Variants in PLCH1 observed in about 807,000 individuals in gnomAD.
PLCH1 encodes 1-phosphatidylinositol 4,5-bisphosphate phosphodiesterase eta-1.
Under a neutral mutation model 126.7 loss-of-function variants are expected in PLCH1, and 60 were observed. That is an observed-to-expected ratio of 0.47 (90% CI 0.38 to 0.59). The LOEUF (loss-of-function observed/expected upper bound fraction) is 0.59, where lower values mean the gene tolerates loss of function less well. PLCH1 is among the 20% of genes least tolerant of loss of function. The pLI is 0.00. For missense variants in PLCH1, 1,723 were observed against 2,040.0 expected, an observed-to-expected ratio of 0.84 and a Z score of 2.99; for synonymous variants, 719 against 734.9, an observed-to-expected ratio of 0.98 and a Z score of 0.35.
rs556894987 is a variant in PLCH1 at position 155,731,940 on chromosome 3, G to A, written c.-41+12900C>T. Among the ~76,000 whole-genome samples the A allele has an allele frequency of 1.6e-4, 23 of 140,844 alleles. No homozygotes were observed. The Middle Eastern group carries it at 0.012, about 71-fold the overall frequency. The allele number at this position is 140,844 out of a possible 152,430, so 92.4% of individuals were successfully genotyped here. On this transcript the variant is annotated intron_variant, in intron 1 of 22. Coordinates refer to ENST00000460012, the MANE Select transcript of PLCH1 (RefSeq NM_014996.4). ...TAAGGCTGCAATGAGCCAAGATTGT[G>A]CCACTGCACTCTATCCAGCCTGGGT... is the stretch of plus-strand genomic sequence containing the variant.
chr3:155,485,357 T>C lies in PLCH1; in HGVS notation c.2973A>G (p.Leu991=). The C allele has an allele frequency of 6.3e-7, 1 of 1,592,774 alleles. No individual in the cohort carries two copies. The change falls in exon 22 of 23, where the codon CTA becomes CTG. Residue 991 remains leucine, a splice_region_variant and synonymous_variant. Coordinates refer to ENST00000460012, the MANE Select transcript of PLCH1 (RefSeq NM_014996.4). ...TCAGAGAAACTTAAAGCATCTTACC[T>C]AGAGAGTTTTCTTTTCCTTCAATGT... ...AKDIEGKENS[L]AEDKDGRRKG...
chr3:155,524,055 G>A (rs1721573496), intron 10 of PLCH1, 51 bp from the exon 11 acceptor site: 1 of 1,092,012 alleles, frequency 9.2e-7, no homozygotes, highest in Admixed American at 1.9e-5. Flanking sequence ...ATTCACAATA[G>A]CCAAAAGGTG....
intron 1 of PLCH1, among the ~76,000 whole-genome samples, chr3:155,711,820 GA>G (rs940141100): frequency 6.9e-4 from 105 of 151,806 alleles, no homozygotes; most frequent in African/African-American, 2.3e-3. Context: ...ACTCTTGGGG[GA>G]AAAAAAACTT....
At chr3:155,666,714 G>A (rs1742760543) in intron 2 of PLCH1, among the ~76,000 whole-genome samples, 1 of 152,164 alleles carries the variant, frequency 6.6e-6, no homozygotes, top group Non-Finnish European at 1.5e-5. Flanking sequence ...ATTTGTTTAA[G>A]TTATTGCTTC....
chr3:155,630,688 C>T (rs9809924), intron 2 of PLCH1, among the ~76,000 whole-genome samples: 73,855 of 152,010 alleles, frequency 0.49, 20,337 homozygotes, highest in African/African-American at 0.74. Context: ...TATTTGTTTA[C>T]ATTATGAGAA....
chr3:155,714,440 C>T (rs492858), intron 1 of PLCH1, among the ~76,000 whole-genome samples: 16,183 of 152,122 alleles, frequency 0.11, 1,365 homozygotes, highest in East Asian at 0.39. Context: ...CCCTACTTCC[C>T]GCAGGTTTCT....
intron 10 of PLCH1, among the ~76,000 whole-genome samples, chr3:155,539,580 C>A (rs1723935395): frequency 6.6e-6 from 1 of 152,102 alleles, no homozygotes; most frequent in African/African-American, 2.4e-5. Flanking sequence ...GATCAACATA[C>A]ACAAATCAAT....
chr3:155,697,381 C>T (rs1048603258), intron 2 of PLCH1, among the ~76,000 whole-genome samples: 3 of 152,100 alleles, frequency 2.0e-5, no homozygotes, highest in Admixed American at 1.3e-4. Context: ...ATCACATTAC[C>T]TGAGCCGCTG....
chr3:155,481,977 C>T lies in PLCH1; in HGVS notation c.4049G>A (p.Ser1350Asn). 1.2e-6 allele frequency: 2 copies of T among 1,614,174 alleles called. No homozygotes were observed. Among genetic ancestry groups the T allele is most frequent in the South Asian group, 2.2e-5 (2 of 91,088 alleles). ...TGATTCTCCATCAATTTCCACAAGG[C>T]TGCTCTCCCCAGAATTGAAACAGAG... ...PTLCFNSGES[S>N]LVEIDGESEN... The change falls in exon 23 of 23, where the codon AGC (serine) becomes AAC (asparagine). Residue 1350 changes from serine (S) to asparagine (N), a missense_variant. This residue lies in a region of PLCH1 where 947 missense variants were observed against 977.1 expected (regional missense o/e 0.97). Coordinates refer to ENST00000460012, the MANE Select transcript of PLCH1 (RefSeq NM_014996.4). The surrounding 1 kb of genome is among the most constrained non-coding windows in gnomAD (Gnocchi z 4.2).
intron 6 of PLCH1, among the ~76,000 whole-genome samples, chr3:155,576,738 A>G (rs1730009765): frequency 6.6e-6 from 1 of 152,194 alleles, no homozygotes; most frequent in South Asian, 2.1e-4. Flanking sequence ...TTTGAAACTC[A>G]AAACCCCACG....
rs1560027103 is a variant in PLCH1 at position 155,458,391 on chromosome 3, AAGGAAGGAAG to A, written c.2938+26955_2938+26964del. ...AGAAGAAAGAAAGAAAGAAAGAAGGAAGGAAGGAAGGAAGGAAGGAAGGAAGGAAGGAAGG... is the reference window on the plus strand; with the variant it reads ...AGAAGAAAGAAAGAAAGAAAGAAGGAGAAGGAAGGAAGGAAGGAAGGAAGG... On this transcript the variant is annotated intron_variant, in intron 21 of 21. Transcript: ENST00000494598. Among the ~76,000 whole-genome samples the A allele has an allele frequency of 8.3e-3, 202 of 24,288 alleles. 10 individuals carry two copies. Among genetic ancestry groups the A allele is most frequent in the African/African-American group, 0.032 (122 of 3,806 alleles). The allele number at this position is 24,288 out of a possible 152,430, so 15.9% of individuals were successfully genotyped here. A position where few individuals can be genotyped will look rare whatever the true frequency, so the allele number is the denominator to read the frequency against.
chr3:155,694,576 T>C (rs977198109), intron 2 of PLCH1, among the ~76,000 whole-genome samples: 6 of 152,216 alleles, frequency 3.9e-5, no homozygotes, highest in Non-Finnish European at 7.3e-5. Flanking sequence ...AATAAATGTG[T>C]TCCCTGTTCT....
At chr3:155,503,395 G>T (rs945826156) in intron 13 of PLCH1, among the ~76,000 whole-genome samples, 1 of 152,108 alleles carries the variant, frequency 6.6e-6, no homozygotes, top group African/African-American at 2.4e-5. Context: ...GCATATAGTT[G>T]TAATTTTGTC....
intron 2 of PLCH1, among the ~76,000 whole-genome samples, chr3:155,703,019 A>C (rs358707): frequency 0.37 from 56,724 of 151,948 alleles, 11,062 homozygotes; most frequent in African/African-American, 0.47. Context: ...TCATGCTGAC[A>C]TTGCTAATAC....
chr3:155,722,717 G>A (rs1183888873), intron 1 of PLCH1, among the ~76,000 whole-genome samples: 1 of 152,136 alleles, frequency 6.6e-6, no homozygotes, highest in Non-Finnish European at 1.5e-5. Flanking sequence ...GTTGGATTTG[G>A]TTAGCTAGTA....
intron 2 of PLCH1, chr3:155,675,885 C>A: frequency 1.6e-6 from 1 of 631,536 alleles, no homozygotes; most frequent in Non-Finnish European, 2.7e-6. Context: ...TAAATATGTT[C>A]TGAAGAATTC....
chr3:155,581,749 C>CT (rs55649426), intron 6 of PLCH1, among the ~76,000 whole-genome samples: 69,658 of 141,442 alleles, frequency 0.49, 19,106 homozygotes, highest in Non-Finnish European at 0.63. Context: ...CTCTTTTTTC[C>CT]TTTTTTTTTT....
rs1409323906 is a variant in PLCH1 at position 155,524,001 on chromosome 3, T to C, written c.1366A>G (p.Lys456Glu). The change falls in exon 11 of 23, where the codon AAG becomes GAG. Residue 456 changes from lysine (K) to glutamate (E), a missense_variant. Coordinates refer to ENST00000460012, the MANE Select transcript of PLCH1 (RefSeq NM_014996.4). ...SLKGKILVKG[K>E]KLPYHLGDDA... ...TCCCCAAGGTGATAAGGCAACTTCT[T>C]ACCCTGAAATGGAACAAAACATCCC... The C allele has an allele frequency of 2.6e-6, 4 of 1,551,046 alleles. No individual in the cohort carries two copies. Among genetic ancestry groups the C allele is most frequent in the Non-Finnish European group, 3.6e-6 (4 of 1,125,814 alleles).
At chr3:155,667,641 G>A (rs962637611) in intron 2 of PLCH1, among the ~76,000 whole-genome samples, 1 of 152,080 alleles carries the variant, frequency 6.6e-6, no homozygotes, top group Non-Finnish European at 1.5e-5. Flanking sequence ...GAAATATTAT[G>A]TCCAGCCCCT....
Sources: gnomAD v4.1 joint callset for allele counts (sites outside exome capture counted in the v4.1 genomes callset) on GRCh38, gnomAD v4.1.1 for gene constraint, gnomAD v4.1.1 regional missense constraint, Gnocchi (gnomAD v3.1) non-coding constraint, MANE v1.5 for transcripts, NCBI Gene and HGNC (gene_info 2026-07-23, HGNC 2026-07-21) for gene names.